The following NLGN3 variants were observed in gnomAD, a reference collection of about 807,000 sequenced individuals.
The protein encoded by NLGN3 is neuroligin 3.
Under a neutral mutation model 42.9 loss-of-function variants are expected in NLGN3, and 11 were observed. That is an observed-to-expected ratio of 0.26 (90% CI 0.16 to 0.42). NLGN3 has a LOEUF of 0.42. Among genes scored for constraint, NLGN3 ranks in the 10% least tolerant of loss-of-function variants. The probability of loss-of-function intolerance (pLI) is 1.00; values close to 1 mark genes in which losing one functional copy is unlikely to be tolerated. For synonymous variants in NLGN3, 279 were observed against 312.7 expected (o/e 0.89, Z 1.14); for missense variants, 374 against 733.8 (o/e 0.51, Z 5.67).
intron 4 of NLGN3, among the ~76,000 whole-genome samples, chrX:71,154,452 G>A (rs943211255): frequency 8.9e-6 from 1 of 112,623 alleles, no homozygotes; most frequent in Non-Finnish European, 1.9e-5. Context: ...TGCCGCCTGG[G>A]CTCGGGAGCA....
intron 4 of NLGN3, 21 bp from the exon 5 acceptor site, chrX:71,155,193 T>C: frequency 1.7e-6 from 2 of 1,211,082 alleles, no homozygotes; most frequent in African/African-American, 1.7e-5. Flanking sequence ...CCAGCCTGTG[T>C]CTCACCCCTT....
At chrX:71,165,381 C>T (rs184322301) in intron 6 of NLGN3, among the ~76,000 whole-genome samples, 145 of 111,845 alleles carry the variant, frequency 1.3e-3, no homozygotes, top group African/African-American at 4.6e-3. Context: ...GGCGAAATGA[C>T]GGGCTGCAAG....
intron 5 of NLGN3, among the ~76,000 whole-genome samples, chrX:71,161,415 G>A (rs748424588): frequency 1.1e-4 from 12 of 109,776 alleles, no homozygotes; most frequent in Non-Finnish European, 1.5e-4. Flanking sequence ...CGCCTGGCCT[G>A]GAGATAGCAT....
chrX:71,146,124 TTCTCTCTCTC>T (rs751338166), intron 1 of NLGN3, among the ~76,000 whole-genome samples: 34 of 49,081 alleles, frequency 6.9e-4, no homozygotes, highest in African/African-American at 1.2e-3. Context: ...TTCCTTTTTC[TTCTCTCTCTC>T]TCTCTCTCTC....
chrX:71,168,779 G>GAAGA (rs199672430), intron 7 of NLGN3, among the ~76,000 whole-genome samples: 1 of 54,146 alleles, frequency 1.8e-5, no homozygotes, highest in African/African-American at 1.1e-4. Context: ...AAGAAAAAGG[G>GAAGA]AAGAAAGAAA....
At chrX:71,159,343 GA>G (rs1378005840) in intron 5 of NLGN3, among the ~76,000 whole-genome samples, 1 of 110,485 alleles carries the variant, frequency 9.1e-6, no homozygotes, top group East Asian at 2.8e-4. Flanking sequence ...AAAGGAAAAA[GA>G]AAAAGAAAAG....
intron 5 of NLGN3, among the ~76,000 whole-genome samples, chrX:71,158,794 T>C (rs1209593322): frequency 9.0e-6 from 1 of 111,498 alleles, no homozygotes; most frequent in Non-Finnish European, 1.9e-5. Context: ...ACAGTGTCAG[T>C]TGGGAACTGT....
Position 71,165,543 on chromosome X carries a change from G to A in NLGN3, c.913+1215G>A, listed in dbSNP as rs2092443937. On this transcript the variant is annotated intron_variant, in intron 6 of 7. Coordinates refer to ENST00000358741, the MANE Select transcript of NLGN3 (RefSeq NM_181303.2). Reference sequence around the variant, plus strand: ...GACTTTTTTTTTTTCTTTGAGACAAGATCTCGCTCTGTTCCCCAGGCTCTG... The same window carrying A: ...GACTTTTTTTTTTTCTTTGAGACAAAATCTCGCTCTGTTCCCCAGGCTCTG... Among the ~76,000 whole-genome samples, 3 of 108,884 alleles carry A rather than the reference G, an allele frequency of 2.8e-5. No homozygotes were observed. In the South Asian group the frequency reaches 1.2e-3, roughly 44 times the overall value. The allele number at this position is 108,884 out of a possible 115,157, so 94.6% of individuals were successfully genotyped here.
Position 71,147,973 on chromosome X carries a change from C to A in NLGN3, c.224C>A (p.Ala75Glu). Reference protein sequence around the residue: ...PVDQYLGVPYAAPPIGEKRFL... With the variant: ...PVDQYLGVPYEAPPIGEKRFL... ...GACCAATACCTGGGGGTGCCCTACGCAGCTCCCCCGATCGGCGAGAAACGT... is the reference window on the plus strand; with the variant it reads ...GACCAATACCTGGGGGTGCCCTACGAAGCTCCCCCGATCGGCGAGAAACGT... The change falls in exon 2 of 8, where the codon GCA (alanine) becomes GAA (glutamate). Residue 75 changes from alanine (A) to glutamate (E), a missense_variant. Transcript: ENST00000358741. 8.3e-7 allele frequency: 1 copy of A among 1,208,019 alleles called. No individual in the cohort carries two copies. The highest frequency in any genetic ancestry group is 1.1e-6 in the Non-Finnish European group (1 of 892,666).
intron 3 of NLGN3, among the ~76,000 whole-genome samples, chrX:71,151,115 C>G (rs1642438465): frequency 1.8e-5 from 2 of 111,117 alleles, no homozygotes; most frequent in South Asian, 7.6e-4. Context: ...TTCAGGAATT[C>G]GAGACCAGCC....
At chrX:71,147,113 T>A (rs2092373482) in intron 1 of NLGN3, among the ~76,000 whole-genome samples, 1 of 111,278 alleles carries the variant, frequency 9.0e-6, no homozygotes, top group African/African-American at 3.3e-5. Flanking sequence ...AGGTTGACAA[T>A]CCCACCCTGT....
intron 5 of NLGN3, among the ~76,000 whole-genome samples, chrX:71,161,526 G>A (rs1034246346): frequency 1.8e-5 from 2 of 109,375 alleles, no homozygotes; most frequent in Non-Finnish European, 3.8e-5. Flanking sequence ...AGAGAGCAGA[G>A]AGTGATGGTC....
chrX:71,175,081 A>T (rs367587261), downstream of NLGN3, among the ~76,000 whole-genome samples: 3 of 111,948 alleles, frequency 2.7e-5, no homozygotes, highest in Admixed American at 9.6e-5. Context: ...TGTTAACAAA[A>T]GTATATCCAG....
At position 71,169,971 on chromosome X, in the gene NLGN3, C is replaced by T. The variant is rs764326302; in HGVS notation, c.2421C>T (p.Thr807=). 2 of 1,208,621 alleles carry T rather than the reference C, an allele frequency of 1.7e-6. No homozygotes were observed. The highest frequency in any genetic ancestry group is 2.2e-6 in the Non-Finnish European group (2 of 894,070). ...CCCCGGATGACATCCCACTCATGAC[C>T]CCCAACACCATCACTATGATCCCCA... The part of the protein sequence containing the change: ...RRSPDDIPLM[T]PNTITMIPNS... Residue 807 remains threonine, a synonymous_variant, in exon 8 of 8, where the codon ACC becomes ACT. Transcript: ENST00000358741.
Position 71,167,107 on chromosome X carries a change from A to G in NLGN3, c.1010A>G (p.Lys337Arg). The change falls in exon 7 of 8, where the codon AAA becomes AGA. Residue 337 changes from lysine (K) to arginine (R), a missense_variant. Physicochemically the swap from Lys to Arg is conservative, Grantham distance 26. This residue lies in a region of NLGN3 where 142 missense variants were observed against 359.1 expected (regional missense o/e 0.40). Coordinates refer to ENST00000358741, the MANE Select transcript of NLGN3 (RefSeq NM_181303.2). ...PVKYTSLLAD[K>R]VGCNVLDTVD... ...AAGTACACCAGCCTGCTGGCAGACAAAGTGGGCTGTAATGTGCTGGACACC... is the reference window on the plus strand; with the variant it reads ...AAGTACACCAGCCTGCTGGCAGACAGAGTGGGCTGTAATGTGCTGGACACC... The G allele has an allele frequency of 8.3e-7, 1 of 1,211,850 alleles. No individual in the cohort carries two copies. The highest frequency in any genetic ancestry group is 1.1e-6 in the Non-Finnish European group (1 of 895,482).
At chrX:71,166,573 T>C (rs2092448072) in intron 6 of NLGN3, among the ~76,000 whole-genome samples, 1 of 111,384 alleles carries the variant, frequency 9.0e-6, no homozygotes, top group Non-Finnish European at 1.9e-5. Flanking sequence ...GCCCTCAGAA[T>C]GTGGGGCTCT....
At position 71,169,241 on chromosome X, in the gene NLGN3, T is replaced by C. The variant is rs2092461907; in HGVS notation, c.1704-13T>C. The C allele has an allele frequency of 2.0e-5, 24 of 1,210,511 alleles. No individual in the cohort carries two copies. Among genetic ancestry groups the C allele is most frequent in the Non-Finnish European group, 2.7e-5 (24 of 894,790 alleles). ...ATAGAGTGGTGACCCCAGATTTCCATGTGGTATTTCAGGGATCCCAACAAG... is the reference window on the plus strand; with the variant it reads ...ATAGAGTGGTGACCCCAGATTTCCACGTGGTATTTCAGGGATCCCAACAAG... On this transcript the variant is annotated splice_polypyrimidine_tract_variant and intron_variant, in intron 7 of 7. Transcript: ENST00000358741.
At chrX:71,153,329 C>T in intron 3 of NLGN3, 148 bp from the exon 4 acceptor site, 2 of 574,997 alleles carry the variant, frequency 3.5e-6, no homozygotes, top group East Asian at 3.6e-5. Flanking sequence ...CCACCCATTC[C>T]CTCAGTTCTT....
In NLGN3 at chrX:71,169,126, C is replaced by T. The variant is rs983952265; in HGVS notation, c.1704-128C>T. 8.6e-5 allele frequency: 66 copies of T among 765,499 alleles called. 1 individual carries two copies. The Admixed American group carries it at 1.7e-3, about 20-fold the overall frequency. 63.1% of individuals were successfully genotyped at this position (765,499 alleles called of 1,213,427 possible). A position where few individuals can be genotyped will look rare whatever the true frequency, so the allele number is the denominator to read the frequency against. The stretch of plus-strand genomic sequence containing the variant: ...AAGCAGGTGTGGGCAGAGCAGGGGA[C>T]CCTGAAAAAGATGGAAATGGTGGGA... On this transcript the variant is annotated intron_variant, in intron 7 of 7. Transcript: ENST00000358741.
Sources: allele counts gnomAD v4.1 joint callset (sites outside exome capture counted in the v4.1 genomes callset), GRCh38; gene constraint gnomAD v4.1.1; regional missense constraint gnomAD v4.1.1; transcripts MANE v1.5; gene names NCBI Gene and HGNC (gene_info 2026-07-23, HGNC 2026-07-21).